The following MAN2A1 variants were observed in gnomAD, a reference collection of about 807,000 sequenced individuals.
MAN2A1 encodes the protein alpha-mannosidase 2.
In MAN2A1, 76 loss-of-function variants were observed where a neutral mutation model predicts 142.6. That is an observed-to-expected ratio of 0.53 (90% confidence interval 0.44 to 0.65). The LOEUF is 0.65. MAN2A1 is among the 30% of genes least tolerant of loss of function. The probability of loss-of-function intolerance (pLI) is 0.00; values close to 1 mark genes in which losing one functional copy is unlikely to be tolerated. For missense variants in MAN2A1, 1,311 were observed against 1,365.1 expected (o/e 0.96, Z 0.62); for synonymous variants, 559 against 473.2 (o/e 1.18, Z -2.35).
chr5:109,794,788 TC>T (rs1156237437), intron 12 of MAN2A1, among the ~76,000 whole-genome samples: 3 of 152,028 alleles, frequency 2.0e-5, no homozygotes, highest in Non-Finnish European at 2.9e-5. Context: ...TTATAAACTG[TC>T]CTCTAGGATG....
chr5:109,733,176 G>T (rs1337115831), intron 4 of MAN2A1, among the ~76,000 whole-genome samples: 1 of 152,010 alleles, frequency 6.6e-6, no homozygotes, highest in African/African-American at 2.4e-5. Context: ...TCTGTTATTG[G>T]TGTATAAGAA....
At chr5:109,723,867 C>A (rs1036353746) in intron 3 of MAN2A1, among the ~76,000 whole-genome samples, 9 of 152,128 alleles carry the variant, frequency 5.9e-5, no homozygotes, top group Non-Finnish European at 1.3e-4. Context: ...AATCTTTCTT[C>A]TTTTCTTTTG....
At position 109,823,803 on chromosome 5, in the gene MAN2A1, T is replaced by C. The variant is rs772459944; in HGVS notation, c.2532T>C (p.His844=). Reference sequence around the variant, plus strand: ...CGGAAGTGACTTGCTTTTTTGACCATGTTACTCATAGAGTCCGACTATACC... The same window carrying C: ...CGGAAGTGACTTGCTTTTTTGACCACGTTACTCATAGAGTCCGACTATACC... ...IYSEVTCFFD[H]VTHRVRLYHI... Residue 844 remains histidine, a synonymous_variant, in exon 16 of 22, where the codon CAT becomes CAC. Transcript: ENST00000261483. 3 of 1,604,936 alleles carry C rather than the reference T, an allele frequency of 1.9e-6. No individual in the cohort carries two copies. In the South Asian group the frequency reaches 3.4e-5, roughly 18 times the overall value.
chr5:109,818,472 C>T (rs1403126619), intron 13 of MAN2A1, among the ~76,000 whole-genome samples: 1 of 152,058 alleles, frequency 6.6e-6, no homozygotes, highest in Non-Finnish European at 1.5e-5. Flanking sequence ...AGCTTTCCAT[C>T]TAGAAAATGG....
At chr5:109,745,224 T>C (rs1408732540) in intron 4 of MAN2A1, among the ~76,000 whole-genome samples, 2 of 152,198 alleles carry the variant, frequency 1.3e-5, no homozygotes, top group Non-Finnish European at 2.9e-5. Context: ...AAAATATGTG[T>C]ATTGTATATT....
rs1231684531 is a variant in MAN2A1, at chr5:109,819,682, C to T, written c.2123C>T (p.Ala708Val). 1.3e-6 allele frequency: 2 copies of T among 1,572,290 alleles called. No homozygotes were observed. Among genetic ancestry groups the T allele is most frequent in the Non-Finnish European group, 1.7e-6 (2 of 1,161,922 alleles). ...SETAYEISFR[A>V]HIPPLGLKVY... ...TATCTTTTAAAGATCTCTTTTCGAG[C>T]ACATATACCGCCATTGGGACTGAAA... is the stretch of plus-strand genomic sequence containing the variant. The change falls in exon 14 of 22, where the codon GCA becomes GTA. Residue 708 changes from alanine (A) to valine (V), a missense_variant. Ala to Val is a moderately conservative substitution (Grantham distance 64). Coordinates refer to ENST00000261483, the MANE Select transcript of MAN2A1 (RefSeq NM_002372.4).
At chr5:109,789,264 A>G (rs1168752039) in intron 11 of MAN2A1, among the ~76,000 whole-genome samples, 196 bp from the exon 12 acceptor site, 2 of 151,850 alleles carry the variant, frequency 1.3e-5, no homozygotes, top group African/African-American at 4.8e-5. Context: ...TTAGAATACT[A>G]TTAAGATGTT....
intron 16 of MAN2A1, among the ~76,000 whole-genome samples, chr5:109,833,622 A>G (rs986806068): frequency 1.3e-5 from 2 of 149,104 alleles, no homozygotes; most frequent in East Asian, 2.1e-4. Context: ...TGGCAGCACT[A>G]CAGTCCGGCC....
intron 10 of MAN2A1, among the ~76,000 whole-genome samples, chr5:109,785,803 CA>C (rs1201109712): frequency 6.6e-6 from 1 of 151,950 alleles, no homozygotes; most frequent in African/African-American, 2.4e-5. Flanking sequence ...TGTTTATCAG[CA>C]GTGTTGTGCT....
chr5:109,780,305 C>T (rs754670447), intron 8 of MAN2A1, among the ~76,000 whole-genome samples: 12 of 152,132 alleles, frequency 7.9e-5, no homozygotes, highest in Non-Finnish European at 1.2e-4. Flanking sequence ...ATGATCCACC[C>T]GCCTCAGCTT....
chr5:109,831,524 G>A (rs1754906065), intron 16 of MAN2A1, among the ~76,000 whole-genome samples: 1 of 152,112 alleles, frequency 6.6e-6, no homozygotes. Context: ...TTGACTTGAA[G>A]TTTTTCTTTA....
intron 4 of MAN2A1, among the ~76,000 whole-genome samples, chr5:109,750,274 TG>T (rs552927164): frequency 1.7e-3 from 263 of 152,222 alleles, no homozygotes; most frequent in South Asian, 2.5e-3. Flanking sequence ...CTGATGTTTT[TG>T]GGTTTTGTTG....
chr5:109,868,035 G>A lies in MAN2A1; in HGVS notation c.*1037G>A, dbSNP rs761337307. 4 of 152,064 alleles carry A rather than the reference G, an allele frequency of 2.6e-5. No homozygotes were observed. The highest frequency in any genetic ancestry group is 4.8e-5 in the African/African-American group (2 of 41,396). The allele number at this position is 152,064 out of a possible 1,614,324, so 9.4% of individuals were successfully genotyped here. On this transcript the variant is annotated 3_prime_UTR_variant, in exon 22 of 22. Transcript: ENST00000261483. Reference sequence around the variant, plus strand: ...CTCTAAACATTTTGACTATTTGAATGTACTGAGATGTCAGAAAACAAAACA... The same window carrying A: ...CTCTAAACATTTTGACTATTTGAATATACTGAGATGTCAGAAAACAAAACA...
At chr5:109,705,284 A>G (rs1362623713) in intron 1 of MAN2A1, among the ~76,000 whole-genome samples, 2 of 152,144 alleles carry the variant, frequency 1.3e-5, no homozygotes, top group Non-Finnish European at 2.9e-5. Context: ...ATGGCTTAAA[A>G]TTTTTTAATT....
At chr5:109,715,949 T>A (rs1356728285) in intron 2 of MAN2A1, among the ~76,000 whole-genome samples, 171 bp from the exon 3 acceptor site, 1 of 152,176 alleles carries the variant, frequency 6.6e-6, no homozygotes, top group Admixed American at 6.5e-5. Context: ...ATTTCAAGCC[T>A]TTGAATGGTG....
At chr5:109,788,508 G>A (rs144133827) in intron 10 of MAN2A1, among the ~76,000 whole-genome samples, 29 of 151,938 alleles carry the variant, frequency 1.9e-4, no homozygotes, top group Non-Finnish European at 4.0e-4. Flanking sequence ...ACTTGTATAC[G>A]AATTGAATTT....
intron 4 of MAN2A1, among the ~76,000 whole-genome samples, chr5:109,748,557 A>G (rs1473551019): frequency 2.6e-5 from 4 of 152,250 alleles, no homozygotes; most frequent in Admixed American, 2.6e-4. Context: ...CAAATATGCA[A>G]TTAAATTTTG....
chr5:109,749,888 A>T (rs908972338), intron 4 of MAN2A1, among the ~76,000 whole-genome samples: 1 of 152,044 alleles, frequency 6.6e-6, no homozygotes, highest in African/African-American at 2.4e-5. Context: ...TTTTTTATAG[A>T]TACGGGTATT....
intron 4 of MAN2A1, among the ~76,000 whole-genome samples, chr5:109,733,453 G>C (rs1751983065): frequency 6.6e-6 from 1 of 152,164 alleles, no homozygotes; most frequent in Non-Finnish European, 1.5e-5. Flanking sequence ...TTTTCAAAGG[G>C]AATGCTTCCA....
Sources: allele counts gnomAD v4.1 joint callset (sites outside exome capture counted in the v4.1 genomes callset), GRCh38; gene constraint gnomAD v4.1.1; transcripts MANE v1.5; gene names NCBI Gene and HGNC (gene_info 2026-07-23, HGNC 2026-07-21).